ARHGAP24: variants seen among roughly 807,000 people sequenced by gnomAD.
ARHGAP24 encodes the protein rho GTPase-activating protein 24.
In ARHGAP24, 50 loss-of-function variants were observed where a neutral mutation model predicts 76.4. The observed-to-expected ratio is 0.65, with a 90% confidence interval of 0.52 to 0.83. ARHGAP24 has a LOEUF of 0.83. ARHGAP24 is among the 40% of genes least tolerant of loss of function. The pLI is 0.00. For synonymous variants in ARHGAP24, 345 were observed against 323.3 expected (o/e 1.07, Z -0.72); for missense variants, 930 against 914.2 (o/e 1.02, Z -0.22).
At position 85,923,769 on chromosome 4, in the gene ARHGAP24, A is replaced by G. The variant is rs551368105; in HGVS notation, c.390A>G (p.Gly130=). 1.2e-6 allele frequency: 2 copies of G among 1,613,916 alleles called. No homozygotes were observed. Among genetic ancestry groups the G allele is most frequent in the African/African-American group, 1.3e-5 (1 of 75,026 alleles). The part of the protein sequence containing the change: ...IRRVIWGPFG[G]GIFGQKLEDT... The stretch of plus-strand genomic sequence containing the variant: ...GAGTCATATGGGGACCTTTCGGAGG[A>G]GGTGAGTGTACTTTAAAATCATGGA... Residue 130 remains glycine (G), a splice_region_variant and synonymous_variant, in exon 4 of 10, where the codon GGA becomes GGG. Coordinates refer to ENST00000395184, the MANE Select transcript of ARHGAP24 (RefSeq NM_001025616.3).
chr4:85,668,926 A>G (rs137909798), intron 2 of ARHGAP24, among the ~76,000 whole-genome samples: 393 of 152,356 alleles, frequency 2.6e-3, no homozygotes, highest in African/African-American at 9.0e-3. Flanking sequence ...TGAAGTAACT[A>G]AGACAGGAGA....
At chr4:85,945,424 G>A (rs547649076) in intron 5 of ARHGAP24, among the ~76,000 whole-genome samples, 1 of 152,206 alleles carries the variant, frequency 6.6e-6, no homozygotes, top group South Asian at 2.1e-4. Context: ...AGTGCAACGA[G>A]TGTAAATAAC....
chr4:85,674,497 T>A (rs542341648), intron 2 of ARHGAP24, among the ~76,000 whole-genome samples: 173 of 152,358 alleles, frequency 1.1e-3, no homozygotes, highest in African/African-American at 3.9e-3. Flanking sequence ...AATCACCCTT[T>A]ATATTTTATA....
At chr4:85,643,483 C>T (rs1194742123) in intron 2 of ARHGAP24, among the ~76,000 whole-genome samples, 2 of 138,386 alleles carry the variant, frequency 1.4e-5, no homozygotes, top group African/African-American at 5.1e-5. Flanking sequence ...TGGTCTCGAT[C>T]TCCTGACCTC....
intron 3 of ARHGAP24, among the ~76,000 whole-genome samples, chr4:85,838,556 G>A (rs1284700598): frequency 1.3e-5 from 2 of 152,134 alleles, no homozygotes; most frequent in African/African-American, 2.4e-5. Context: ...CCGAGATCAC[G>A]CCACTGCACT....
chr4:85,859,212 TACACACACACAC>T (rs10645010), intron 3 of ARHGAP24, among the ~76,000 whole-genome samples: 1 of 145,454 alleles, frequency 6.9e-6, no homozygotes, highest in African/African-American at 2.5e-5. Context: ...GCCACATGCA[TACACACACACAC>T]ACACACACAC....
At chr4:85,814,840 C>T (rs1309004173) in intron 3 of ARHGAP24, among the ~76,000 whole-genome samples, 1 of 152,210 alleles carries the variant, frequency 6.6e-6, no homozygotes, top group Non-Finnish European at 1.5e-5. Flanking sequence ...CCACATTTCC[C>T]TTCCACATTG....
At chr4:85,775,680 A>G (rs1727286087) in intron 3 of ARHGAP24, among the ~76,000 whole-genome samples, 1 of 152,196 alleles carries the variant, frequency 6.6e-6, no homozygotes, top group Admixed American at 6.5e-5. Flanking sequence ...GCCAAACCAT[A>G]TCAGTAGGAA....
intron 3 of ARHGAP24, among the ~76,000 whole-genome samples, chr4:85,883,954 GAAC>G (rs1353143881): frequency 1.3e-5 from 2 of 151,990 alleles, no homozygotes; most frequent in African/African-American, 4.8e-5. Context: ...TTTAAACCAA[GAAC>G]AACAACAAAA....
intron 5 of ARHGAP24, among the ~76,000 whole-genome samples, chr4:85,962,063 AAC>A (rs1738292139): frequency 1.3e-5 from 2 of 152,104 alleles, no homozygotes; most frequent in South Asian, 4.1e-4. Context: ...TCAGTTCATT[AAC>A]AGTTTGCCAA....
At position 85,821,900 on chromosome 4, in the gene ARHGAP24, G is replaced by C. The variant is rs145332058; in HGVS notation, c.268+99928G>C. Among the ~76,000 whole-genome samples, 1,441 of 152,282 alleles carry C rather than the reference G, an allele frequency of 9.5e-3. 27 individuals carry two copies. Among genetic ancestry groups the C allele is most frequent in the African/African-American group, 0.032 (1,350 of 41,554 alleles). On this transcript the variant is annotated intron_variant, in intron 3 of 9. Transcript: ENST00000395184. ...TGCATTATTTTGGTTACAGGCCAAAGCGAAGATAAAACATATGTAAAAGTA... is the reference window on the plus strand; with the variant it reads ...TGCATTATTTTGGTTACAGGCCAAACCGAAGATAAAACATATGTAAAAGTA...
intron 5 of ARHGAP24, among the ~76,000 whole-genome samples, chr4:85,951,555 C>A (rs534109385): frequency 6.6e-5 from 10 of 152,142 alleles, no homozygotes; most frequent in Admixed American, 2.0e-4. Flanking sequence ...CTTAAATATG[C>A]CTGTGCTTTT....
At chr4:85,798,792 T>G (rs1728465794) in intron 3 of ARHGAP24, among the ~76,000 whole-genome samples, 1 of 152,182 alleles carries the variant, frequency 6.6e-6, no homozygotes, top group Non-Finnish European at 1.5e-5. Context: ...GATTTTCTGG[T>G]AAGAATCGGG....
Position 85,734,763 on chromosome 4 carries a change from T to G in ARHGAP24, c.268+12791T>G, listed in dbSNP as rs1348837727. ...TGACAAAACTGTGCTTGGAGGCTAT[T>G]TGGCTCTGATCTCTGGGCTGTGATT... On this transcript the variant is annotated intron_variant, in intron 3 of 9. Coordinates refer to ENST00000395184, the MANE Select transcript of ARHGAP24 (RefSeq NM_001025616.3). Among the ~76,000 whole-genome samples, 4 of 151,238 alleles carry G rather than the reference T, an allele frequency of 2.6e-5. No homozygotes were observed. In the South Asian group the frequency reaches 8.4e-4, roughly 32 times the overall value.
chr4:85,705,600 C>T (rs560059705), intron 2 of ARHGAP24, among the ~76,000 whole-genome samples: 1 of 152,248 alleles, frequency 6.6e-6, no homozygotes, highest in East Asian at 1.9e-4. Context: ...CGTGTGCTTA[C>T]CACATGCAGG....
chr4:85,542,238 A>C (rs1725733652), intron 1 of ARHGAP24, among the ~76,000 whole-genome samples: 1 of 152,220 alleles, frequency 6.6e-6, no homozygotes, highest in African/African-American at 2.4e-5. Flanking sequence ...GTAGCGTATA[A>C]GTAAGAATAT....
intron 3 of ARHGAP24, among the ~76,000 whole-genome samples, chr4:85,879,555 G>C (rs569216088): frequency 5.9e-5 from 9 of 151,830 alleles, no homozygotes; most frequent in African/African-American, 1.9e-4. Flanking sequence ...TTGTGCTAAG[G>C]ATATTAACCA....
At chr4:85,827,751 C>A in intron 3 of ARHGAP24, 1 of 384,730 alleles carries the variant, frequency 2.6e-6, no homozygotes, top group Non-Finnish European at 4.8e-6. Context: ...AGCGTTTTTA[C>A]CTGAGCTCAG....
chr4:85,748,336 C>T (rs1726131412), intron 3 of ARHGAP24, among the ~76,000 whole-genome samples: 1 of 152,210 alleles, frequency 6.6e-6, no homozygotes, highest in Admixed American at 6.5e-5. Flanking sequence ...CTTTCTCATA[C>T]ATATGCCATG....
Sources: gnomAD v4.1 joint callset for allele counts (sites outside exome capture counted in the v4.1 genomes callset) on GRCh38, gnomAD v4.1.1 for gene constraint, MANE v1.5 for transcripts, NCBI Gene and HGNC (gene_info 2026-07-23, HGNC 2026-07-21) for gene names.